Variants in ARHGEF18 observed in about 807,000 individuals in gnomAD.
The protein encoded by ARHGEF18 is Rho/Rac guanine nucleotide exchange factor 18.
A neutral mutation model predicts 155.7 loss-of-function variants in ARHGEF18; 93 were observed. The observed-to-expected ratio is 0.60, with a 90% CI of 0.50 to 0.71. The LOEUF (loss-of-function observed/expected upper bound fraction) is 0.71. Among genes scored for constraint, ARHGEF18 ranks in the 30% least tolerant of loss-of-function variants. The pLI is 0.00. For synonymous variants in ARHGEF18, 742 were observed against 753.1 expected (o/e 0.99, Z 0.24); for missense variants, 1,593 against 1,816.1 (o/e 0.88, Z 2.23).
At position 7,441,988 on chromosome 19, in the gene ARHGEF18, C is replaced by T. The variant is rs370517063; in HGVS notation, c.1296C>T (p.Ala432=). ...TTGAAGCTGAGTCCTGGAGCCTCGC[C>T]GTGGATGCAGCCTACGCCAAGAAGC... ...HEFEAESWSL[A]VDAAYAKKQK... Residue 432 remains alanine, a synonymous_variant, in exon 13 of 29, where the codon GCC becomes GCT. Transcript: ENST00000668164. 28 of 1,613,934 alleles carry T rather than the reference C, an allele frequency of 1.7e-5. No homozygotes were observed. Among genetic ancestry groups the T allele is most frequent in the Middle Eastern group, 1.6e-4 (1 of 6,082 alleles).
At position 7,451,135 on chromosome 19, in the gene ARHGEF18, T is replaced by C; in HGVS notation, c.1738-14T>C. The C allele has an allele frequency of 1.3e-6, 2 of 1,582,388 alleles. No individual in the cohort carries two copies. Among genetic ancestry groups the C allele is most frequent in the South Asian group, 1.1e-5 (1 of 89,894 alleles). On this transcript the variant is annotated splice_polypyrimidine_tract_variant and intron_variant, in intron 15 of 28. Coordinates refer to ENST00000668164, the MANE Select transcript of ARHGEF18 (RefSeq NM_001367823.1). ...CTGAGATGTTAATACAGGATCTTGC[T>C]TTCTGTTTCCTAGAAAATTGGCAAC...
intron 1 of ARHGEF18, chr19:7,355,613 G>C: frequency 1.0e-6 from 1 of 985,404 alleles, no homozygotes; most frequent in South Asian, 4.7e-5. Flanking sequence ...GCTCTCACAC[G>C]CACGCATGGC....
chr19:7,413,788 A>G (rs893354073), intron 10 of ARHGEF18, among the ~76,000 whole-genome samples: 2 of 152,238 alleles, frequency 1.3e-5, no homozygotes, highest in South Asian at 4.1e-4. Context: ...TGAGGTAATC[A>G]TCTTTTAGCC....
intron 10 of ARHGEF18, among the ~76,000 whole-genome samples, chr19:7,397,656 C>G (rs1259586608): frequency 6.6e-6 from 1 of 151,972 alleles, no homozygotes; most frequent in Non-Finnish European, 1.5e-5. Context: ...TGGCGTGAAC[C>G]CGGGAGGTAG....
intron 26 of ARHGEF18, among the ~76,000 whole-genome samples, chr19:7,468,443 A>T (rs191774274): frequency 1.3e-5 from 2 of 152,128 alleles, no homozygotes; most frequent in Non-Finnish European, 2.9e-5. Flanking sequence ...ACTACTTGGG[A>T]GGCTGAGGCA....
chr19:7,451,127 G>T (rs756090387), intron 15 of ARHGEF18, 22 bp from the exon 16 acceptor site: 13 of 1,535,702 alleles, frequency 8.5e-6, no homozygotes, highest in Non-Finnish European at 1.0e-5. Context: ...GTTAATACAG[G>T]ATCTTGCTTT....
intron 1 of ARHGEF18, among the ~76,000 whole-genome samples, chr19:7,350,565 C>T (rs1037669866): frequency 2.0e-5 from 3 of 152,116 alleles, no homozygotes; most frequent in African/African-American, 7.2e-5. Flanking sequence ...TCCCATGCCT[C>T]CCTGGGCATC....
Position 7,416,546 on chromosome 19 carries a change from TG to T in ARHGEF18, c.968-23797del, listed in dbSNP as rs1349794219. Among the ~76,000 whole-genome samples, 95 of 139,998 alleles carry T rather than the reference TG, an allele frequency of 6.8e-4. 1 individual carries two copies. The highest frequency in any genetic ancestry group is 1.2e-3 in the Non-Finnish European group (80 of 66,848). 91.8% of individuals were successfully genotyped at this position (139,998 alleles called of 152,430 possible). A position where few individuals can be genotyped will look rare whatever the true frequency, so the allele number is the denominator to read the frequency against. On this transcript the variant is annotated intron_variant, in intron 10 of 28. Transcript: ENST00000668164. ...GAGAAAATTCGTGTGTGTGTGTGTG[TG>T]TGTGTGTGTGTGTGTGTGTGTGTGT...
chr19:7,399,475 TTTTTTTTCCTTC>T (rs1258034707), intron 10 of ARHGEF18, among the ~76,000 whole-genome samples: 1 of 151,528 alleles, frequency 6.6e-6, no homozygotes, highest in African/African-American at 2.4e-5. Context: ...ACACTAATGT[TTTTTTTTCCTTC>T]TTTTTTTTTT....
intron 10 of ARHGEF18, among the ~76,000 whole-genome samples, chr19:7,410,238 C>T (rs1181154565): frequency 6.6e-6 from 1 of 152,122 alleles, no homozygotes; most frequent in East Asian, 1.9e-4. Context: ...GCCCTGCCTT[C>T]CGCCTGTGAC....
At chr19:7,373,205 G>A in intron 3 of ARHGEF18, 134 bp downstream of exon 3, 2 of 1,129,364 alleles carry the variant, frequency 1.8e-6, no homozygotes, top group South Asian at 9.4e-5. Context: ...TGGTACCAGG[G>A]ACCAGTTTCA....
In ARHGEF18 at chr19:7,368,011, G is replaced by GGA. The variant is rs1568270687; in HGVS notation, c.16-4801_16-4800insGA. ...AGAGAGAGAGAGAGAGGGAGGGAGG[G>GGA]AGGGAGGGCGGAAGGAAGGAAGGAA... On this transcript the variant is annotated intron_variant, in intron 2 of 28. Coordinates refer to ENST00000668164, the MANE Select transcript of ARHGEF18 (RefSeq NM_001367823.1). 1.4e-3 allele frequency among the ~76,000 whole-genome samples: 123 copies of GGA among 89,164 alleles called. 3 individuals carry two copies. The highest frequency in any genetic ancestry group is 4.5e-3 in the African/African-American group (118 of 26,262). 58.5% of individuals were successfully genotyped at this position (89,164 alleles called of 152,430 possible).
At chr19:7,372,521 G>A (rs74176233) in intron 2 of ARHGEF18, among the ~76,000 whole-genome samples, 5,819 of 152,214 alleles carry the variant, frequency 0.038, 130 homozygotes, top group Non-Finnish European at 0.057. Flanking sequence ...ACTCAGTGAC[G>A]AGAAGTGCTT....
chr19:7,394,770 CAA>C (rs1372055047), intron 10 of ARHGEF18, among the ~76,000 whole-genome samples: 2 of 152,152 alleles, frequency 1.3e-5, no homozygotes, highest in African/African-American at 4.8e-5. Flanking sequence ...GTTAACCCCA[CAA>C]AACGCCCACC....
chr19:7,469,810 G>A, intron 27 of ARHGEF18, 94 bp from the exon 28 acceptor site: 3 of 1,467,904 alleles, frequency 2.0e-6, no homozygotes, highest in African/African-American at 1.4e-5. Context: ...GTGTCAGGTG[G>A]GGGTGGCCAG....
intron 10 of ARHGEF18, among the ~76,000 whole-genome samples, chr19:7,429,288 C>G (rs1057280820): frequency 6.6e-6 from 1 of 152,150 alleles, no homozygotes; most frequent in Non-Finnish European, 1.5e-5. Context: ...GGCTAAGTGA[C>G]CAGTGGGCAG....
chr19:7,379,855 C>G (rs1378922552), intron 7 of ARHGEF18, among the ~76,000 whole-genome samples: 1 of 152,086 alleles, frequency 6.6e-6, no homozygotes, highest in Non-Finnish European at 1.5e-5. Context: ...TAGTGAGACC[C>G]TGTCTCTACA....
intron 10 of ARHGEF18, among the ~76,000 whole-genome samples, chr19:7,396,067 C>T (rs758725659): frequency 6.6e-6 from 1 of 152,132 alleles, no homozygotes; most frequent in African/African-American, 2.4e-5. Flanking sequence ...CAAGGTTTAG[C>T]TCCACTTACA....
intron 1 of ARHGEF18, among the ~76,000 whole-genome samples, chr19:7,357,400 T>C (rs1969353525): frequency 6.6e-6 from 1 of 152,196 alleles, no homozygotes; most frequent in Non-Finnish European, 1.5e-5. Flanking sequence ...ATTTATATGC[T>C]AGCAGGTGGG....
Sources: allele counts gnomAD v4.1 joint callset (sites outside exome capture counted in the v4.1 genomes callset), GRCh38; gene constraint gnomAD v4.1.1; transcripts MANE v1.5; gene names NCBI Gene and HGNC (gene_info 2026-07-23, HGNC 2026-07-21).